Variants in SRPK2 observed in about 807,000 individuals in gnomAD.
SRPK2 encodes the protein SFRS protein kinase 2.
SRPK2 carries 21 observed loss-of-function variants against 90.8 expected under a neutral mutation model. The observed-to-expected ratio is 0.23, with a 90% CI of 0.16 to 0.33. The LOEUF is 0.33. Ranked by LOEUF, SRPK2 falls within the 10% of genes least tolerant of loss-of-function variation. SRPK2 has a pLI of 1.00. For synonymous variants in SRPK2, 288 were observed against 311.1 expected (o/e 0.93, Z 0.78); for missense variants, 620 against 869.0 (o/e 0.71, Z 3.60).
chr7:105,362,315 A>G (rs1176374416), intron 2 of SRPK2, among the ~76,000 whole-genome samples: 6 of 152,130 alleles, frequency 3.9e-5, no homozygotes, highest in Non-Finnish European at 5.9e-5. Context: ...ATCATTAAAA[A>G]GTCAGGAAAT....
intron 7 of SRPK2, among the ~76,000 whole-genome samples, chr7:105,154,875 A>G (rs1806268032): frequency 6.6e-6 from 1 of 151,878 alleles, no homozygotes; most frequent in African/African-American, 2.4e-5. Flanking sequence ...GGGTTTCACC[A>G]TATTGGTCAG....
At chr7:105,380,832 T>G (rs759961742) in intron 2 of SRPK2, among the ~76,000 whole-genome samples, 4 of 151,640 alleles carry the variant, frequency 2.6e-5, no homozygotes, top group Non-Finnish European at 5.9e-5. Flanking sequence ...GCTAAAAAAT[T>G]TTTAAATTAA....
At chr7:105,145,235 G>A (rs749464889) in intron 9 of SRPK2, 48 bp downstream of exon 9, 15 of 1,426,778 alleles carry the variant, frequency 1.1e-5, no homozygotes, top group South Asian at 3.1e-5. Flanking sequence ...AATAATAAAC[G>A]GTCTCTTTTA....
chr7:105,120,329 G>A (rs142011644), intron 15 of SRPK2, among the ~76,000 whole-genome samples: 2 of 152,172 alleles, frequency 1.3e-5, no homozygotes, highest in Middle Eastern at 3.2e-3. Context: ...GTTAAACTAA[G>A]ATCCATCAAC....
chr7:105,240,134 C>G (rs1295721599), intron 2 of SRPK2, among the ~76,000 whole-genome samples: 1 of 152,154 alleles, frequency 6.6e-6, no homozygotes, highest in Non-Finnish European at 1.5e-5. Context: ...AATGTGCCGA[C>G]AGACTGATTC....
At chr7:105,381,496 C>CA (rs908681176) in intron 2 of SRPK2, among the ~76,000 whole-genome samples, 3 of 151,814 alleles carry the variant, frequency 2.0e-5, no homozygotes, top group African/African-American at 4.8e-5. Context: ...AAAACAAAAA[C>CA]AAAAAAACTA....
At chr7:105,173,753 C>T (rs999352170) in intron 3 of SRPK2, among the ~76,000 whole-genome samples, 1 of 152,136 alleles carries the variant, frequency 6.6e-6, no homozygotes, top group East Asian at 1.9e-4. Flanking sequence ...GAGTATGGGA[C>T]AATAACACTG....
At position 105,167,380 on chromosome 7, in the gene SRPK2, T is replaced by A. The variant is rs1331843370; in HGVS notation, c.511A>T (p.Ile171Leu). ...TAAATCAGGAAGTAAAGGATACGTATCCCATTCATGCCTGAAATCTTGAAG... is the reference window on the plus strand; with the variant it reads ...TAAATCAGGAAGTAAAGGATACGTAACCCATTCATGCCTGAAATCTTGAAG... ...DDFKISGMNG[I>L]HVCMVFEVLG... Residue 171 changes from isoleucine to leucine, a missense_variant, in exon 6 of 16, where the codon ATA becomes TTA. By Grantham distance (5) the Ile-to-Leu change is conservative (BLOSUM62 2). This residue lies in a region of SRPK2 where 196 missense variants were observed against 339.2 expected (regional missense o/e 0.58). Coordinates refer to ENST00000393651, the MANE Select transcript of SRPK2 (RefSeq NM_182692.3). 1 of 1,610,914 alleles carries A rather than the reference T, an allele frequency of 6.2e-7. No homozygotes were observed. Among genetic ancestry groups the A allele is most frequent in the East Asian group, 2.2e-5 (1 of 44,864 alleles).
chr7:105,384,191 T>C (rs898070021), intron 2 of SRPK2, among the ~76,000 whole-genome samples: 5 of 152,204 alleles, frequency 3.3e-5, no homozygotes, highest in Non-Finnish European at 7.3e-5. Flanking sequence ...AAACATACTA[T>C]AAGGCAAAAA....
At chr7:105,250,592 T>C (rs1212979599) in intron 2 of SRPK2, among the ~76,000 whole-genome samples, 1 of 152,172 alleles carries the variant, frequency 6.6e-6, no homozygotes, top group Non-Finnish European at 1.5e-5. Flanking sequence ...AATTACAAAA[T>C]GTACCAAATC....
At chr7:105,346,224 T>A (rs1816440418) in intron 2 of SRPK2, among the ~76,000 whole-genome samples, 1 of 152,200 alleles carries the variant, frequency 6.6e-6, no homozygotes, top group Non-Finnish European at 1.5e-5. Flanking sequence ...AAGTATTTCA[T>A]CATCAGTAAC....
At chr7:105,245,007 G>T in intron 2 of SRPK2, 1 of 829,904 alleles carries the variant, frequency 1.2e-6, no homozygotes. Context: ...ATAAAGAACA[G>T]CTTGAGAGGA....
rs35765090 is a variant in SRPK2, at chr7:105,359,150, C to CTTTTTTTTTT, written c.71+29488_71+29497dup. On this transcript the variant is annotated intron_variant, in intron 2 of 15. Coordinates refer to ENST00000393651, the MANE Select transcript of SRPK2 (RefSeq NM_182692.3). Reference sequence around the variant, plus strand: ...CAAACAAACCATATCCAAACCACAGCTTTTTTTTTTTTTTTTTTTTTTTTT... The same window carrying CTTTTTTTTTT: ...CAAACAAACCATATCCAAACCACAGCTTTTTTTTTTTTTTTTTTTTTTTTTTTTTTTTTTT... Among the ~76,000 whole-genome samples, 19 of 54,832 alleles carry CTTTTTTTTTT rather than the reference C, an allele frequency of 3.5e-4. 1 individual carries two copies. The East Asian group carries it at 9.7e-3, about 28-fold the overall frequency. 36.0% of individuals were successfully genotyped at this position (54,832 alleles called of 152,430 possible).
intron 2 of SRPK2, among the ~76,000 whole-genome samples, chr7:105,251,464 A>G (rs1802471146): frequency 6.6e-6 from 1 of 152,184 alleles, no homozygotes; most frequent in African/African-American, 2.4e-5. Flanking sequence ...TTGGCCTCCC[A>G]AAGTGCTGGG....
chr7:105,205,816 T>C (rs1936626145), intron 2 of SRPK2: 2 of 452,300 alleles, frequency 4.4e-6, no homozygotes, highest in Non-Finnish European at 8.8e-6. Flanking sequence ...TCTTCAGGGG[T>C]GTGGGCAGAA....
At chr7:105,164,754 AGATG>A (rs796631097) in intron 6 of SRPK2, among the ~76,000 whole-genome samples, 28 of 152,356 alleles carry the variant, frequency 1.8e-4, no homozygotes, top group African/African-American at 6.3e-4. Context: ...ATGACTTAGT[AGATG>A]CATAAACTGG....
At chr7:105,287,623 C>T (rs1411929352) in intron 2 of SRPK2, among the ~76,000 whole-genome samples, 2 of 152,004 alleles carry the variant, frequency 1.3e-5, no homozygotes, top group Admixed American at 6.6e-5. Context: ...GCAATCCCAG[C>T]TACTTGGGAG....
At chr7:105,167,225 C>T (rs1790189139) in intron 6 of SRPK2, 152 bp downstream of exon 6, 3 of 485,680 alleles carry the variant, frequency 6.2e-6, no homozygotes, top group Non-Finnish European at 1.0e-5. Flanking sequence ...GCCATGAAAA[C>T]TATTCTAGGT....
intron 3 of SRPK2, among the ~76,000 whole-genome samples, chr7:105,196,271 G>C (rs1434394841): frequency 6.6e-6 from 1 of 152,192 alleles, no homozygotes; most frequent in Non-Finnish European, 1.5e-5. Context: ...AAAGCATAGT[G>C]AATTAAGTAT....
Sources: gnomAD v4.1 joint callset for allele counts (sites outside exome capture counted in the v4.1 genomes callset) on GRCh38, gnomAD v4.1.1 for gene constraint, gnomAD v4.1.1 regional missense constraint, MANE v1.5 for transcripts, NCBI Gene and HGNC (gene_info 2026-07-23, HGNC 2026-07-21) for gene names.